Variants in MAN2A1 observed in about 807,000 individuals in gnomAD.
MAN2A1 encodes alpha-mannosidase 2.
MAN2A1 carries 76 observed loss-of-function variants against 142.6 expected under a neutral mutation model. The ratio of observed to expected loss-of-function variants is 0.53; its 90% CI spans 0.44 to 0.65. The LOEUF is 0.65. Among genes scored for constraint, MAN2A1 ranks in the 30% least tolerant of loss-of-function variants. The pLI, the probability that MAN2A1 is intolerant of heterozygous loss-of-function variation, is 0.00. For synonymous variants in MAN2A1, 559 were observed against 473.2 expected, an observed-to-expected ratio of 1.18 and a Z score of -2.35; for missense variants, 1,311 against 1,365.1, an observed-to-expected ratio of 0.96 and a Z score of 0.62.
chr5:109,857,161 GC>G (rs1251582938), intron 20 of MAN2A1, among the ~76,000 whole-genome samples: 3 of 152,202 alleles, frequency 2.0e-5, no homozygotes, highest in Non-Finnish European at 2.9e-5. Flanking sequence ...AGGCCCTGAG[GC>G]CGGAGAGATA....
chr5:109,760,307 C>T (rs1752808041), intron 5 of MAN2A1, among the ~76,000 whole-genome samples: 1 of 152,168 alleles, frequency 6.6e-6, no homozygotes, highest in South Asian at 2.1e-4. Context: ...CCTGCAAAGA[C>T]ATGAACTCAT....
intron 1 of MAN2A1, among the ~76,000 whole-genome samples, chr5:109,697,423 A>T (rs1404452594): frequency 6.6e-6 from 1 of 152,140 alleles, no homozygotes; most frequent in African/African-American, 2.4e-5. Context: ...GAGGTTAGGG[A>T]AAGAATGAAG....
At chr5:109,835,922 G>C (rs1354368970) in intron 16 of MAN2A1, among the ~76,000 whole-genome samples, 1 of 152,096 alleles carries the variant, frequency 6.6e-6, no homozygotes, top group African/African-American at 2.4e-5. Context: ...TACAGAGGAA[G>C]TAAAAGCCTG....
chr5:109,742,905 G>A (rs1752307753), intron 4 of MAN2A1, among the ~76,000 whole-genome samples: 3 of 152,132 alleles, frequency 2.0e-5, no homozygotes, highest in South Asian at 4.1e-4. Context: ...ATTCCAGTTC[G>A]TCTTGAGTGA....
At chr5:109,729,270 C>A (rs1330847910) in intron 3 of MAN2A1, 72 bp from the exon 4 acceptor site, 6 of 918,512 alleles carry the variant, frequency 6.5e-6, no homozygotes, top group Non-Finnish European at 9.9e-6. Context: ...CAAAGTAATG[C>A]AATGGAATGT....
chr5:109,730,987 T>C (rs986267345), intron 4 of MAN2A1, among the ~76,000 whole-genome samples: 1 of 152,202 alleles, frequency 6.6e-6, no homozygotes, highest in Non-Finnish European at 1.5e-5. Flanking sequence ...TTCATGGACT[T>C]TTCTGTTTGA....
chr5:109,862,146 A>T (rs1755774269), intron 20 of MAN2A1, among the ~76,000 whole-genome samples: 1 of 152,190 alleles, frequency 6.6e-6, no homozygotes, highest in Non-Finnish European at 1.5e-5. Flanking sequence ...GGGACTCTTC[A>T]CAGGTCCAGC....
At chr5:109,698,985 T>C (rs1750894822) in intron 1 of MAN2A1, among the ~76,000 whole-genome samples, 1 of 152,198 alleles carries the variant, frequency 6.6e-6, no homozygotes, top group African/African-American at 2.4e-5. Flanking sequence ...GTTTCAATTT[T>C]GAGCTATTGT....
intron 6 of MAN2A1, 26 bp downstream of exon 6, chr5:109,767,734 T>A: frequency 6.3e-7 from 1 of 1,596,282 alleles, no homozygotes. Flanking sequence ...TGAAAGTTGA[T>A]CCCATTTGGC....
At position 109,847,442 on chromosome 5, in the gene MAN2A1, C is replaced by T. The variant is rs145552268; in HGVS notation, c.2843-215C>T. On this transcript the variant is annotated intron_variant, in intron 18 of 21. Transcript: ENST00000261483. Reference sequence around the variant, plus strand: ...ATATTGTGAAACATTACTAAAGAAACACAGAAATACTATCCTGTTTTATGA... The same window carrying T: ...ATATTGTGAAACATTACTAAAGAAATACAGAAATACTATCCTGTTTTATGA... Among the ~76,000 whole-genome samples, 451 of 152,220 alleles carry T rather than the reference C, an allele frequency of 3.0e-3. 3 individuals carry two copies. The highest frequency in any genetic ancestry group is 0.01 in the African/African-American group (423 of 41,536).
intron 1 of MAN2A1, among the ~76,000 whole-genome samples, chr5:109,707,871 G>A (rs1281537964): frequency 6.6e-6 from 1 of 152,180 alleles, no homozygotes; most frequent in African/African-American, 2.4e-5. Context: ...TCTGAGGACT[G>A]TAGGTGTCTT....
chr5:109,738,008 T>C (rs1171851832), intron 4 of MAN2A1, among the ~76,000 whole-genome samples: 1 of 152,162 alleles, frequency 6.6e-6, no homozygotes, highest in Non-Finnish European at 1.5e-5. Context: ...GCGTGTGCTT[T>C]GTGCATTCCT....
chr5:109,840,078 A>G lies in MAN2A1; in HGVS notation c.2567-2250A>G, dbSNP rs143071400. 1.2e-4 allele frequency: 20 copies of G among 169,500 alleles called. No individual in the cohort carries two copies. The East Asian group carries it at 3.5e-3, about 30-fold the overall frequency. The allele number at this position is 169,500 out of a possible 1,614,324, so 10.5% of individuals were successfully genotyped here. ...TTTTTCCTCCTCAGTCATTAACAAG[A>G]TTATGCATTTGCGGTGAGATGATCC... is the stretch of plus-strand genomic sequence containing the variant. On this transcript the variant is annotated intron_variant, in intron 16 of 21. Coordinates refer to ENST00000261483, the MANE Select transcript of MAN2A1 (RefSeq NM_002372.4).
At chr5:109,797,827 G>C (rs2112691033) in intron 12 of MAN2A1, among the ~76,000 whole-genome samples, 1 of 152,196 alleles carries the variant, frequency 6.6e-6, no homozygotes, top group African/African-American at 2.4e-5. Context: ...GTATAATATA[G>C]AACAAACGCT....
At chr5:109,783,181 A>C (rs1288519665) in intron 9 of MAN2A1, among the ~76,000 whole-genome samples, 1 of 152,176 alleles carries the variant, frequency 6.6e-6, no homozygotes, top group African/African-American at 2.4e-5. Flanking sequence ...TATTCAAGGC[A>C]TTGTGGTTAC....
intron 4 of MAN2A1, among the ~76,000 whole-genome samples, chr5:109,752,211 A>G (rs1047120944): frequency 6.6e-6 from 1 of 152,112 alleles, no homozygotes; most frequent in Admixed American, 6.6e-5. Context: ...TCCATATTTC[A>G]TAATTACTAC....
intron 3 of MAN2A1, among the ~76,000 whole-genome samples, chr5:109,728,429 T>C (rs903176204): frequency 6.6e-5 from 10 of 152,130 alleles, no homozygotes; most frequent in Admixed American, 6.6e-4. Context: ...ATACGATTTT[T>C]TAGATGGGAA....
intron 12 of MAN2A1, among the ~76,000 whole-genome samples, chr5:109,792,846 T>G (rs190468574): frequency 2.0e-5 from 3 of 152,180 alleles, no homozygotes; most frequent in Admixed American, 2.0e-4. Flanking sequence ...CCTCTCCATA[T>G]GACTTGGGCT....
At chr5:109,758,063 A>T (rs1752737202) in intron 5 of MAN2A1, among the ~76,000 whole-genome samples, 2 of 152,150 alleles carry the variant, frequency 1.3e-5, no homozygotes, top group African/African-American at 2.4e-5. Flanking sequence ...TTGCTGAGTT[A>T]TATGGTAAAA....
Sources: allele counts gnomAD v4.1 joint callset (sites outside exome capture counted in the v4.1 genomes callset), GRCh38; gene constraint gnomAD v4.1.1; transcripts MANE v1.5; gene names NCBI Gene and HGNC (gene_info 2026-07-23, HGNC 2026-07-21).